Variants in SENP6 observed in about 807,000 individuals in gnomAD.
SENP6 encodes the protein SUMO specific peptidase 6.
Under a neutral mutation model 134.5 loss-of-function variants are expected in SENP6, and 41 were observed. The ratio of observed to expected loss-of-function variants is 0.30; its 90% CI spans 0.24 to 0.40. SENP6 has a LOEUF of 0.40. Ranked by LOEUF, SENP6 falls within the 10% of genes least tolerant of loss-of-function variation. The pLI is 1.00. For synonymous variants in SENP6, 395 were observed against 429.8 expected (o/e 0.92, Z 1.00); for missense variants, 1,248 against 1,312.5 (o/e 0.95, Z 0.76).
rs186994487 is a variant in SENP6 at position 75,703,875 on chromosome 6, A to G, written c.2716+803A>G. On this transcript the variant is annotated intron_variant, in intron 19 of 23. Coordinates refer to ENST00000447266, the MANE Select transcript of SENP6 (RefSeq NM_015571.4). ...CCCTAGGGTGCAATTTTGAAATTGC[A>G]GTACAAAGTTTATATTTTCCATTTA... Among the ~76,000 whole-genome samples, 41 of 152,318 alleles carry G rather than the reference A, an allele frequency of 2.7e-4. No homozygotes were observed. The East Asian group carries it at 6.9e-3, about 26-fold the overall frequency.
At chr6:75,603,174 T>C (rs1215310295) in intron 1 of SENP6, among the ~76,000 whole-genome samples, 1 of 152,156 alleles carries the variant, frequency 6.6e-6, no homozygotes, top group Non-Finnish European at 1.5e-5. Flanking sequence ...ACAGTGTCAA[T>C]TTTGGGGCCG....
intron 1 of SENP6, among the ~76,000 whole-genome samples, chr6:75,621,091 CGTT>C (rs1768232149): frequency 6.6e-6 from 1 of 152,084 alleles, no homozygotes; most frequent in Non-Finnish European, 1.5e-5. Context: ...AAACCGAAAA[CGTT>C]GTTTGTTTTT....
intron 7 of SENP6, among the ~76,000 whole-genome samples, chr6:75,656,253 A>C (rs890814869): frequency 1.3e-5 from 2 of 151,680 alleles, no homozygotes; most frequent in Non-Finnish European, 2.9e-5. Context: ...TGAGCTACAA[A>C]ATCTAGTAGG....
intron 5 of SENP6, among the ~76,000 whole-genome samples, chr6:75,638,488 A>G (rs1769700229): frequency 6.7e-6 from 1 of 148,534 alleles, no homozygotes; most frequent in South Asian, 2.1e-4. Context: ...TTAATCAGAT[A>G]CATTATAATG....
intron 16 of SENP6, among the ~76,000 whole-genome samples, chr6:75,691,529 G>A (rs1263171923): frequency 1.3e-5 from 2 of 152,112 alleles, no homozygotes; most frequent in Admixed American, 6.6e-5. Flanking sequence ...AGAAATTGGT[G>A]CACCCAAATG....
At chr6:75,663,545 G>T in intron 9 of SENP6, 27 bp downstream of exon 9, 1 of 1,533,496 alleles carries the variant, frequency 6.5e-7, no homozygotes, top group South Asian at 1.2e-5. Flanking sequence ...CTTTAATATT[G>T]CTTATATCAA....
At chr6:75,632,500 T>G (rs968177539) in intron 3 of SENP6, among the ~76,000 whole-genome samples, 2 of 152,210 alleles carry the variant, frequency 1.3e-5, no homozygotes, top group Non-Finnish European at 2.9e-5. Flanking sequence ...CATTTTGTTA[T>G]TATTAAATGC....
chr6:75,702,493 C>T (rs1775104847), intron 18 of SENP6, 152 bp from the exon 19 acceptor site: 1 of 676,942 alleles, frequency 1.5e-6, no homozygotes, highest in African/African-American at 1.8e-5. Context: ...GCTGGGATTA[C>T]TGGCGTGAGC....
At chr6:75,669,747 T>G (rs1314251901) in intron 10 of SENP6, among the ~76,000 whole-genome samples, 1 of 152,174 alleles carries the variant, frequency 6.6e-6, no homozygotes, top group East Asian at 1.9e-4. Context: ...CTAAATTGCT[T>G]GCTTTCTAAA....
intron 7 of SENP6, among the ~76,000 whole-genome samples, chr6:75,653,558 C>T (rs542685746): frequency 2.0e-5 from 3 of 151,852 alleles, no homozygotes; most frequent in African/African-American, 7.2e-5. Context: ...CTTGTTTTCC[C>T]TCAATGCGTT....
chr6:75,665,144 G>T lies in SENP6; in HGVS notation c.995-1568G>T, dbSNP rs963505769. Among the ~76,000 whole-genome samples, 4 of 152,228 alleles carry T rather than the reference G, an allele frequency of 2.6e-5. No homozygotes were observed. In the East Asian group the frequency reaches 7.7e-4, roughly 29 times the overall value. ...TACTAAAAATATAAAAAATTAGCCG[G>T]GCATGGTGGTGGGTGCCTGTAGTCC... On this transcript the variant is annotated intron_variant, in intron 9 of 23. Coordinates refer to ENST00000447266, the MANE Select transcript of SENP6 (RefSeq NM_015571.4).
chr6:75,623,254 T>G (rs1020610654), intron 2 of SENP6, among the ~76,000 whole-genome samples: 6 of 152,192 alleles, frequency 3.9e-5, no homozygotes, highest in Admixed American at 1.3e-4. Flanking sequence ...TCCTGTACAT[T>G]TCATTTCTGA....
At chr6:75,617,922 T>C (rs1767983753) in intron 1 of SENP6, among the ~76,000 whole-genome samples, 1 of 152,238 alleles carries the variant, frequency 6.6e-6, no homozygotes, top group Non-Finnish European at 1.5e-5. Context: ...TGGGTTTGTC[T>C]GATGTTTTCT....
chr6:75,691,042 C>T (rs1403138824), intron 16 of SENP6, among the ~76,000 whole-genome samples: 2 of 150,940 alleles, frequency 1.3e-5, no homozygotes, highest in South Asian at 2.1e-4. Flanking sequence ...GCAGGATCTC[C>T]CTGTGTGCCC....
chr6:75,641,350 A>C (rs141507270), intron 6 of SENP6, among the ~76,000 whole-genome samples: 1 of 152,268 alleles, frequency 6.6e-6, no homozygotes, highest in African/African-American at 2.4e-5. Context: ...CATCATCAAA[A>C]TCTTTATCAT....
chr6:75,653,998 A>C (rs1771117117), intron 7 of SENP6, among the ~76,000 whole-genome samples: 1 of 152,142 alleles, frequency 6.6e-6, no homozygotes, highest in Admixed American at 6.5e-5. Context: ...CCAGGGTGGG[A>C]GGATCACTTG....
At chr6:75,670,746 A>G (rs1453270700) in intron 11 of SENP6, 26 bp downstream of exon 11, 8 of 1,403,616 alleles carry the variant, frequency 5.7e-6, no homozygotes, top group South Asian at 3.5e-5. Context: ...GCTCTTTACT[A>G]TACCAATTAT....
At chr6:75,627,829 A>C (rs1462254956) in intron 3 of SENP6, among the ~76,000 whole-genome samples, 1 of 152,030 alleles carries the variant, frequency 6.6e-6, no homozygotes, top group Non-Finnish European at 1.5e-5. Flanking sequence ...GCATGGTGCC[A>C]CCACGCCCGG....
chr6:75,644,085 T>C (rs545071723), intron 6 of SENP6: 1 of 151,808 alleles, frequency 6.6e-6, no homozygotes, highest in East Asian at 1.9e-4. Flanking sequence ...AAATTAAGAG[T>C]GCCCACTTCA....
Sources: allele counts gnomAD v4.1 joint callset (sites outside exome capture counted in the v4.1 genomes callset), GRCh38; gene constraint gnomAD v4.1.1; transcripts MANE v1.5; gene names NCBI Gene and HGNC (gene_info 2026-07-23, HGNC 2026-07-21).